Variants in RBFOX1 observed in about 807,000 individuals in gnomAD.
The protein encoded by RBFOX1 is RNA binding fox-1 homolog 1.
A neutral mutation model predicts 57.7 loss-of-function variants in RBFOX1; 8 were observed. The observed-to-expected ratio is 0.14, with a 90% CI of 0.08 to 0.25. RBFOX1 has a LOEUF of 0.25. RBFOX1 is among the 10% of genes least tolerant of loss of function. The pLI, the probability that RBFOX1 is intolerant of heterozygous loss-of-function variation, is 1.00. For missense variants in RBFOX1, 611 were observed against 548.5 expected (o/e 1.11, Z -1.14); for synonymous variants, 326 against 222.4 (o/e 1.47, Z -4.15).
chr16:7,252,834 A>C (rs2094543183), intron 4 of RBFOX1, among the ~76,000 whole-genome samples: 2 of 151,928 alleles, frequency 1.3e-5, no homozygotes, highest in Admixed American at 1.3e-4. Flanking sequence ...TGAACGTGGT[A>C]CCTAAATTCA....
intron 5 of RBFOX1, among the ~76,000 whole-genome samples, chr16:7,558,692 AG>A (rs145980281): frequency 0.067 from 10,136 of 152,232 alleles, 578 homozygotes; most frequent in African/African-American, 0.15. Flanking sequence ...ACAGTCCACC[AG>A]CTACCCCAGG....
chr16:6,876,048 C>T (rs563143444), intron 3 of RBFOX1, among the ~76,000 whole-genome samples: 1 of 151,658 alleles, frequency 6.6e-6, no homozygotes, highest in Non-Finnish European at 1.5e-5. Flanking sequence ...TAACACACGT[C>T]TATAGTCCTA....
intron 3 of RBFOX1, among the ~76,000 whole-genome samples, chr16:5,664,460 T>G (rs1202503341): frequency 6.6e-6 from 1 of 151,840 alleles, no homozygotes; most frequent in Non-Finnish European, 1.5e-5. Context: ...AGGCAGACAA[T>G]CAATTGAACC....
chr16:7,438,582 TC>T (rs1351167525), intron 4 of RBFOX1, among the ~76,000 whole-genome samples: 1 of 152,172 alleles, frequency 6.6e-6, no homozygotes, highest in Non-Finnish European at 1.5e-5. Context: ...CCTCTCTGAA[TC>T]CCAAACTTGT....
At chr16:7,694,692 A>T (rs1281678473) in intron 14 of RBFOX1, among the ~76,000 whole-genome samples, 1 of 152,150 alleles carries the variant, frequency 6.6e-6, no homozygotes, top group Non-Finnish European at 1.5e-5. Context: ...GCTAGGTGCA[A>T]TGGTTAATTG....
chr16:6,686,405 A>G (rs1378663248), intron 3 of RBFOX1, among the ~76,000 whole-genome samples: 5 of 152,198 alleles, frequency 3.3e-5, no homozygotes, highest in Non-Finnish European at 7.3e-5. Context: ...CGATGACAGT[A>G]CACCTAAGAA....
chr16:6,926,302 A>G (rs1442997657), intron 3 of RBFOX1, among the ~76,000 whole-genome samples: 1 of 152,074 alleles, frequency 6.6e-6, no homozygotes, highest in Non-Finnish European at 1.5e-5. Flanking sequence ...GCAAGACTCC[A>G]TCTCAAAGAA....
chr16:6,680,162 G>A (rs374440350), intron 3 of RBFOX1, among the ~76,000 whole-genome samples: 7 of 151,892 alleles, frequency 4.6e-5, no homozygotes, highest in East Asian at 3.9e-4. Context: ...TTGGGAATGA[G>A]AAGAGATAGA....
At chr16:6,070,768 T>TC (rs2095826707) in intron 1 of RBFOX1, among the ~76,000 whole-genome samples, 2 of 151,798 alleles carry the variant, frequency 1.3e-5, no homozygotes, top group African/African-American at 4.8e-5. Flanking sequence ...TCCTCTAGTT[T>TC]CCCCAAGAAG....
At chr16:6,672,479 AAAG>A (rs1299142456) in intron 3 of RBFOX1, among the ~76,000 whole-genome samples, 1 of 151,820 alleles carries the variant, frequency 6.6e-6, no homozygotes, top group Non-Finnish European at 1.5e-5. Context: ...AGGAAAGAAA[AAAG>A]AAAAAGGGAG....
At chr16:6,886,614 G>A (rs1442885822) in intron 3 of RBFOX1, among the ~76,000 whole-genome samples, 1 of 151,874 alleles carries the variant, frequency 6.6e-6, no homozygotes, top group East Asian at 2.0e-4. Flanking sequence ...AATTAGCTGG[G>A]CGTGGTGGTG....
intron 1 of RBFOX1, among the ~76,000 whole-genome samples, chr16:5,358,875 T>G (rs950531311): frequency 6.6e-6 from 1 of 152,218 alleles, no homozygotes; most frequent in African/African-American, 2.4e-5. Flanking sequence ...TATAGTCACC[T>G]CATTGTGTTA....
chr16:6,770,481 G>A (rs1011723125), intron 3 of RBFOX1, among the ~76,000 whole-genome samples: 4 of 152,124 alleles, frequency 2.6e-5, no homozygotes, highest in Non-Finnish European at 5.9e-5. Flanking sequence ...TGGGTACCAC[G>A]GCAGAGCTCA....
intron 3 of RBFOX1, among the ~76,000 whole-genome samples, chr16:6,801,345 G>T (rs561781192): frequency 6.6e-6 from 1 of 152,110 alleles, no homozygotes; most frequent in South Asian, 2.1e-4. Flanking sequence ...TCTTGGTAAT[G>T]GTCAGGCTTA....
At chr16:5,733,545 G>A (rs1250191725) in intron 3 of RBFOX1, among the ~76,000 whole-genome samples, 2 of 152,144 alleles carry the variant, frequency 1.3e-5, no homozygotes, top group East Asian at 3.9e-4. Flanking sequence ...GGCCAGGTCA[G>A]CTGGGCAAAC....
intron 1 of RBFOX1, among the ~76,000 whole-genome samples, chr16:6,163,162 A>T (rs2096892031): frequency 6.6e-6 from 1 of 152,172 alleles, no homozygotes; most frequent in Admixed American, 6.5e-5. Flanking sequence ...CTAGAATGGG[A>T]TGCATATTGC....
intron 3 of RBFOX1, among the ~76,000 whole-genome samples, chr16:6,913,140 G>GT (rs146196823): frequency 0.035 from 5,359 of 152,140 alleles, 240 homozygotes; most frequent in East Asian, 0.12. Context: ...AAGAAGACAC[G>GT]TTTTTTTGTT....
intron 2 of RBFOX1, among the ~76,000 whole-genome samples, chr16:6,554,800 A>T (rs1269242281): frequency 6.7e-6 from 1 of 149,388 alleles, no homozygotes; most frequent in African/African-American, 2.6e-5. Flanking sequence ...ACAGACACAC[A>T]CAGATAAACA....
chr16:7,270,007 T>G (rs1198754832), intron 4 of RBFOX1, among the ~76,000 whole-genome samples: 1 of 152,214 alleles, frequency 6.6e-6, no homozygotes, highest in Non-Finnish European at 1.5e-5. Flanking sequence ...CTTGTCTGTT[T>G]CGTAATGCCA....
Sources: gnomAD v4.1 joint callset for allele counts (sites outside exome capture counted in the v4.1 genomes callset) on GRCh38, gnomAD v4.1.1 for gene constraint, MANE v1.5 for transcripts, NCBI Gene and HGNC (gene_info 2026-07-23, HGNC 2026-07-21) for gene names.